Variants in SLC35F2 observed in about 807,000 individuals in gnomAD.
SLC35F2 encodes solute carrier family 35 member F2, also known as queuine/queuosine transporter SLC35F2.
Under a neutral mutation model 38.1 loss-of-function variants are expected in SLC35F2, and 25 were observed. The ratio of observed to expected loss-of-function variants is 0.66; its 90% CI spans 0.48 to 0.92. The LOEUF is 0.92. SLC35F2 is among the 40% of genes least tolerant of loss of function. The pLI, the probability that SLC35F2 is intolerant of heterozygous loss-of-function variation, is 0.00. For missense variants in SLC35F2, 409 were observed against 452.9 expected, an observed-to-expected ratio of 0.90 and a Z score of 0.88; for synonymous variants, 173 against 181.7, an observed-to-expected ratio of 0.95 and a Z score of 0.38.
intron 1 of SLC35F2, among the ~76,000 whole-genome samples, chr11:107,826,001 A>G (rs1859749158): frequency 6.6e-6 from 1 of 152,182 alleles, no homozygotes; most frequent in African/African-American, 2.4e-5. Flanking sequence ...CAAAAATACA[A>G]AAAGGTGTAT....
At chr11:107,836,445 G>A (rs1017570178) in intron 1 of SLC35F2, among the ~76,000 whole-genome samples, 1 of 152,054 alleles carries the variant, frequency 6.6e-6, no homozygotes, top group African/African-American at 2.4e-5. Flanking sequence ...CCCTGAACCT[G>A]TGAATAGGTT....
At chr11:107,799,341 A>T (rs553085285) in intron 7 of SLC35F2, among the ~76,000 whole-genome samples, 1 of 152,338 alleles carries the variant, frequency 6.6e-6, no homozygotes, top group African/African-American at 2.4e-5. Flanking sequence ...TGGCCAAAAA[A>T]TGACATAAGA....
intron 6 of SLC35F2, chr11:107,803,571 G>A (rs1859348227): frequency 4.6e-6 from 4 of 863,956 alleles, no homozygotes; most frequent in Non-Finnish European, 4.2e-6. Context: ...GACATGATTT[G>A]TATAATTGGA....
intron 1 of SLC35F2, among the ~76,000 whole-genome samples, chr11:107,831,271 TAA>T (rs1293580567): frequency 6.6e-6 from 1 of 152,158 alleles, no homozygotes; most frequent in Non-Finnish European, 1.5e-5. Context: ...AACTTAAAAA[TAA>T]AAGTGTAAAA....
At chr11:107,809,693 A>G (rs1859452373) in intron 3 of SLC35F2, 2 of 983,618 alleles carry the variant, frequency 2.0e-6, no homozygotes, top group South Asian at 4.7e-5. Context: ...AAGAGTATCA[A>G]TTTTATTTTT....
intron 1 of SLC35F2, among the ~76,000 whole-genome samples, chr11:107,834,057 A>G: frequency 6.6e-6 from 1 of 152,164 alleles, no homozygotes; most frequent in East Asian, 1.9e-4. Context: ...AACTTCATAC[A>G]TTGTTTGTTT....
intron 1 of SLC35F2, among the ~76,000 whole-genome samples, chr11:107,817,940 C>T (rs1859602064): frequency 6.6e-6 from 1 of 150,994 alleles, no homozygotes; most frequent in Admixed American, 6.6e-5. Flanking sequence ...ACCTGTAGTC[C>T]CAGCTACTCA....
chr11:107,795,239 T>C (rs1859199830), intron 7 of SLC35F2, among the ~76,000 whole-genome samples: 1 of 152,124 alleles, frequency 6.6e-6, no homozygotes, highest in Admixed American at 6.6e-5. Flanking sequence ...GCCAAAGCAA[T>C]GCTGGGCAAC....
In SLC35F2 at chr11:107,803,034, G is replaced by C. The variant is rs758135363; in HGVS notation, c.906C>G (p.Ser302Arg). Residue 302 changes from serine to arginine, a missense_variant, in exon 7 of 8, where the codon AGC (serine) becomes AGG (arginine). Coordinates refer to ENST00000525815, the MANE Select transcript of SLC35F2 (RefSeq NM_017515.5). ...CAAACAGAAAGAGTCCAACAAAAAG[G>C]CTGTAGAGGTCCGCTGTCAGGATGC... ...NLGILTADLY[S>R]LFVGLFLFGY... 1.2e-6 allele frequency: 2 copies of C among 1,613,556 alleles called. No individual in the cohort carries two copies. Among genetic ancestry groups the C allele is most frequent in the Admixed American group, 1.7e-5 (1 of 59,856 alleles).
At position 107,858,722 on chromosome 11, in the gene SLC35F2, C is replaced by T; in HGVS notation, c.46G>A (p.Ala16Thr). Residue 16 changes from alanine (A) to threonine (T), a missense_variant, in exon 1 of 8, where the codon GCG (alanine) becomes ACG (threonine). Transcript: ENST00000525815. ...GAGAACTCGGCCGCCGCTCCCTCCG[C>T]GAGGGGCTCTGGGGCGCCGGGGCCC... ...PAGPGAPEPLAEGAAAEFSSL... is the reference protein window; with the variant it reads ...PAGPGAPEPLTEGAAAEFSSL... The T allele has an allele frequency of 1.5e-6, 2 of 1,298,122 alleles. No individual in the cohort carries two copies. The highest frequency in any genetic ancestry group is 2.0e-6 in the Non-Finnish European group (2 of 1,015,308). The allele number at this position is 1,298,122 out of a possible 1,614,324, so 80.4% of individuals were successfully genotyped here.
Position 107,816,447 on chromosome 11 carries a change from A to ATTT in SLC35F2, c.111-485_111-483dup, listed in dbSNP as rs5794572. 8.7e-3 allele frequency among the ~76,000 whole-genome samples: 1,031 copies of ATTT among 118,272 alleles called. 25 individuals carry two copies. Among genetic ancestry groups the ATTT allele is most frequent in the East Asian group, 0.034 (140 of 4,116 alleles). 77.6% of individuals were successfully genotyped at this position (118,272 alleles called of 152,430 possible). On this transcript the variant is annotated intron_variant, in intron 1 of 7. Transcript: ENST00000525815. ...AGGCACATGCCACCATGCCCAGCTA[A>ATTT]TTTTTTTTTTTTTTTTTTTTGTGGA...
rs1859136018 is a variant in SLC35F2 at position 107,791,779 on chromosome 11, G to A, written c.*836C>T. The A allele has an allele frequency of 6.6e-6, 1 of 152,204 alleles. No individual in the cohort carries two copies. Among genetic ancestry groups the A allele is most frequent in the Admixed American group, 6.6e-5 (1 of 15,256 alleles). The allele number at this position is 152,204 out of a possible 1,614,324, so 9.4% of individuals were successfully genotyped here. On this transcript the variant is annotated 3_prime_UTR_variant, in exon 8 of 8. Coordinates refer to ENST00000525815, the MANE Select transcript of SLC35F2 (RefSeq NM_017515.5). ...TAATCCCAGCACTTTGGGAGGTCGG[G>A]GCAGGCAGATCACTTGAGGTCGGGA... is the stretch of plus-strand genomic sequence containing the variant.
intron 1 of SLC35F2, among the ~76,000 whole-genome samples, chr11:107,822,926 C>G (rs1270091552): frequency 1.3e-5 from 2 of 151,856 alleles, no homozygotes; most frequent in South Asian, 2.1e-4. Context: ...CTAATTTAAA[C>G]ACTAGTTTTA....
At position 107,822,240 on chromosome 11, in the gene SLC35F2, A is replaced by C. The variant is rs533866686; in HGVS notation, c.111-6275T>G. Among the ~76,000 whole-genome samples the C allele has an allele frequency of 1.3e-5, 2 of 152,354 alleles. 1 individual carries two copies. Among genetic ancestry groups the C allele is most frequent in the African/African-American group, 4.8e-5 (2 of 41,592 alleles). On this transcript the variant is annotated intron_variant, in intron 1 of 7. Transcript: ENST00000525815. The stretch of plus-strand genomic sequence containing the variant: ...CAAAGCGAGACTCCGTCTCAAAAAA[A>C]AAATTTAAGGAATGAAAGAAGAAAA...
At chr11:107,838,073 A>G (rs1206547222) in intron 1 of SLC35F2, among the ~76,000 whole-genome samples, 3 of 152,166 alleles carry the variant, frequency 2.0e-5, no homozygotes, top group Non-Finnish European at 4.4e-5. Flanking sequence ...ATTTACAGAT[A>G]ACAGAAATGG....
intron 1 of SLC35F2, chr11:107,824,008 AC>A: frequency 3.0e-6 from 3 of 984,796 alleles, no homozygotes; most frequent in Non-Finnish European, 3.6e-6. Context: ...GCCAAGATGA[AC>A]TGTTTTCTTT....
rs559272788 is a variant in SLC35F2, at chr11:107,834,822, A to C, written c.111-18857T>G. Among the ~76,000 whole-genome samples, 16 of 152,318 alleles carry C rather than the reference A, an allele frequency of 1.1e-4. No individual in the cohort carries two copies. The South Asian group carries it at 3.3e-3, about 32-fold the overall frequency. ...TATTTTTCCATACATTTTATAATAC[A>C]TAACATATTGCATGACTACAGATTC... On this transcript the variant is annotated intron_variant, in intron 1 of 7. Coordinates refer to ENST00000525815, the MANE Select transcript of SLC35F2 (RefSeq NM_017515.5).
In SLC35F2 at chr11:107,820,200, A is replaced by G. The variant is rs376866491; in HGVS notation, c.111-4235T>C. Among the ~76,000 whole-genome samples the G allele has an allele frequency of 1.4e-4, 21 of 150,986 alleles. No homozygotes were observed. In the East Asian group the frequency reaches 3.9e-3, roughly 28 times the overall value. ...AACCTGAGAGGCAGAGGTTCCAGTG[A>G]GCCGAGATCATACCACTGCACTCCA... On this transcript the variant is annotated intron_variant, in intron 1 of 7. Coordinates refer to ENST00000525815, the MANE Select transcript of SLC35F2 (RefSeq NM_017515.5).
intron 1 of SLC35F2, among the ~76,000 whole-genome samples, chr11:107,850,699 G>A (rs1860166663): frequency 2.0e-5 from 3 of 151,482 alleles, no homozygotes; most frequent in Admixed American, 2.0e-4. Flanking sequence ...GCAGGTGCCT[G>A]TAATCCCAGC....
Sources: gnomAD v4.1 joint callset for allele counts (sites outside exome capture counted in the v4.1 genomes callset) on GRCh38, gnomAD v4.1.1 for gene constraint, MANE v1.5 for transcripts, NCBI Gene and HGNC (gene_info 2026-07-23, HGNC 2026-07-21) for gene names.